The following GALNTL6 variants were observed in gnomAD, a reference collection of about 807,000 sequenced individuals.
The protein encoded by GALNTL6 is polypeptide N-acetylgalactosaminyltransferase-like 6.
A neutral mutation model predicts 73.7 loss-of-function variants in GALNTL6; 46 were observed. That is an observed-to-expected ratio of 0.62 (90% CI 0.49 to 0.80). The LOEUF (loss-of-function observed/expected upper bound fraction) is 0.80. Ranked by LOEUF, GALNTL6 falls within the 30% of genes least tolerant of loss-of-function variation. The pLI is 0.00. For missense variants in GALNTL6, 604 were observed against 755.0 expected, an observed-to-expected ratio of 0.80 and a Z score of 2.34; for synonymous variants, 259 against 263.7, an observed-to-expected ratio of 0.98 and a Z score of 0.17.
At chr4:172,820,916 C>A (rs1485541843) in intron 7 of GALNTL6, among the ~76,000 whole-genome samples, 3 of 152,204 alleles carry the variant, frequency 2.0e-5, no homozygotes, top group Non-Finnish European at 4.4e-5. Context: ...AGATTAGAAT[C>A]TATGTTCATC....
intron 3 of GALNTL6, among the ~76,000 whole-genome samples, chr4:172,299,200 A>T (rs7699597): frequency 2.6e-5 from 4 of 152,048 alleles, no homozygotes; most frequent in Admixed American, 6.5e-5. Context: ...ATTTCTGTGG[A>T]ATTGGTGGTG....
chr4:171,945,057 T>C lies in GALNTL6; in HGVS notation c.138+130339T>C, dbSNP rs963370012. The stretch of plus-strand genomic sequence containing the variant: ...CCTAGGTAAATGCCTCTTGAGAAGA[T>C]GGCGGGAAGGAGCTCTCTTATTCAG... On this transcript the variant is annotated intron_variant, in intron 2 of 12. Transcript: ENST00000506823. 6.2e-4 allele frequency among the ~76,000 whole-genome samples: 94 copies of C among 152,206 alleles called. 2 individuals carry two copies. Among genetic ancestry groups the C allele is most frequent in the South Asian group, 8.3e-4 (4 of 4,824 alleles).
chr4:171,981,529 G>GTAGC (rs1739895283), intron 2 of GALNTL6, among the ~76,000 whole-genome samples: 1 of 152,140 alleles, frequency 6.6e-6, no homozygotes, highest in South Asian at 2.1e-4. Flanking sequence ...TTTTATCTTT[G>GTAGC]TAGCTATCTT....
intron 2 of GALNTL6, among the ~76,000 whole-genome samples, chr4:171,998,878 C>T (rs577052371): frequency 8.5e-5 from 13 of 152,188 alleles, no homozygotes; most frequent in Admixed American, 1.3e-4. Flanking sequence ...ACCCTGGCTC[C>T]GATCCTTAGT....
At chr4:172,551,723 A>T (rs1440543347) in intron 5 of GALNTL6, among the ~76,000 whole-genome samples, 4 of 152,122 alleles carry the variant, frequency 2.6e-5, no homozygotes, top group Admixed American at 2.0e-4. Context: ...TACCAACATA[A>T]ACTAGCTTCT....
chr4:172,843,541 T>G (rs1318755977), intron 7 of GALNTL6, among the ~76,000 whole-genome samples: 1 of 152,176 alleles, frequency 6.6e-6, no homozygotes, highest in Non-Finnish European at 1.5e-5. Context: ...TTTTCCTTCC[T>G]TGTGAAAGTC....
chr4:172,658,162 A>AAAAAAAAAAAAAAAAAAG (rs1184427799), intron 5 of GALNTL6, among the ~76,000 whole-genome samples: 6 of 124,402 alleles, frequency 4.8e-5, no homozygotes, highest in African/African-American at 1.8e-4. Flanking sequence ...AAAAAAAAAA[A>AAAAAAAAAAAAAAAAAAG]AAAAAAAGAA....
intron 2 of GALNTL6, among the ~76,000 whole-genome samples, chr4:171,834,288 A>G (rs513753): frequency 0.99 from 150,020 of 152,086 alleles, 74,024 homozygotes; most frequent in Middle Eastern, 1. Context: ...AGTCAGATGA[A>G]GAAACTAAGT....
chr4:171,814,816 C>T (rs1220531205), intron 2 of GALNTL6, 98 bp downstream of exon 2: 7 of 1,256,122 alleles, frequency 5.6e-6, no homozygotes, highest in Non-Finnish European at 7.9e-6. Flanking sequence ...CTTGGGTTTT[C>T]CCCCAAGTCT....
chr4:172,370,669 T>G (rs1201373448), intron 5 of GALNTL6, among the ~76,000 whole-genome samples: 1 of 149,820 alleles, frequency 6.7e-6, no homozygotes, highest in Non-Finnish European at 1.5e-5. Context: ...AAAGGCATTG[T>G]CTGACTTCGG....
chr4:172,985,239 T>C (rs1207280217), intron 10 of GALNTL6, among the ~76,000 whole-genome samples: 1 of 152,158 alleles, frequency 6.6e-6, no homozygotes, highest in African/African-American at 2.4e-5. Context: ...TAACAGAAAG[T>C]GCATTTAAAC....
chr4:172,500,310 A>G (rs1734216932), intron 5 of GALNTL6, among the ~76,000 whole-genome samples: 3 of 152,062 alleles, frequency 2.0e-5, no homozygotes, highest in African/African-American at 7.2e-5. Context: ...AGTGCCAGCT[A>G]CTCCAAAGGC....
intron 5 of GALNTL6, among the ~76,000 whole-genome samples, chr4:172,412,053 G>GTTTTAA (rs1744462683): frequency 6.6e-6 from 1 of 151,760 alleles, no homozygotes; most frequent in South Asian, 2.1e-4. Flanking sequence ...TTTAGTTTTA[G>GTTTTAA]TTTTTTAAAA....
intron 2 of GALNTL6, among the ~76,000 whole-genome samples, chr4:172,036,137 A>G (rs1741923024): frequency 6.6e-6 from 1 of 152,116 alleles, no homozygotes; most frequent in Non-Finnish European, 1.5e-5. Flanking sequence ...TCATCACAGC[A>G]TAAATCACAC....
chr4:172,925,222 A>T (rs567483021), intron 8 of GALNTL6, among the ~76,000 whole-genome samples: 13 of 152,104 alleles, frequency 8.5e-5, no homozygotes, highest in South Asian at 4.2e-4. Context: ...GAAGGAAAAA[A>T]AAATAAATCG....
chr4:172,597,819 T>C (rs899932724), intron 5 of GALNTL6, among the ~76,000 whole-genome samples: 10 of 152,086 alleles, frequency 6.6e-5, no homozygotes, highest in African/African-American at 2.4e-4. Flanking sequence ...ACACAAAAAG[T>C]ATATGCTTAT....
chr4:172,992,104 A>G (rs1200269518), intron 10 of GALNTL6, among the ~76,000 whole-genome samples: 1 of 152,190 alleles, frequency 6.6e-6, no homozygotes, highest in Non-Finnish European at 1.5e-5. Context: ...TTTTGCCAAT[A>G]GCATACAACT....
intron 2 of GALNTL6, among the ~76,000 whole-genome samples, chr4:172,197,429 T>C (rs184027448): frequency 1.3e-4 from 20 of 152,226 alleles, no homozygotes; most frequent in Non-Finnish European, 1.3e-4. Flanking sequence ...TTCACAGAAT[T>C]AGAAAAACCT....
At chr4:172,740,471 G>A (rs1169095168) in intron 5 of GALNTL6, among the ~76,000 whole-genome samples, 1 of 152,076 alleles carries the variant, frequency 6.6e-6, no homozygotes, top group African/African-American at 2.4e-5. Context: ...TAATTGCTAA[G>A]ATTTATTGGT....
Sources: gnomAD v4.1 joint callset for allele counts (sites outside exome capture counted in the v4.1 genomes callset) on GRCh38, gnomAD v4.1.1 for gene constraint, MANE v1.5 for transcripts, NCBI Gene and HGNC (gene_info 2026-07-23, HGNC 2026-07-21) for gene names.